Variants in PLEKHA7 observed in about 807,000 individuals in gnomAD.
The protein encoded by PLEKHA7 is pleckstrin homology domain containing A7, also known as pleckstrin homology domain-containing family A member 7.
PLEKHA7 carries 104 observed loss-of-function variants against 170.0 expected under a neutral mutation model. That is an observed-to-expected ratio of 0.61 (90% CI 0.52 to 0.72). The LOEUF (loss-of-function observed/expected upper bound fraction) is 0.72. PLEKHA7 is among the 30% of genes least tolerant of loss of function. The pLI is 0.00. For synonymous variants in PLEKHA7, 648 were observed against 660.8 expected, an observed-to-expected ratio of 0.98 and a Z score of 0.30; for missense variants, 1,615 against 1,671.7, an observed-to-expected ratio of 0.97 and a Z score of 0.59.
rs1001223193 is a variant in PLEKHA7 at position 16,973,494 on chromosome 11, T to G, written c.221+40495A>C. On this transcript the variant is annotated intron_variant, in intron 3 of 26. Coordinates refer to ENST00000531066, the MANE Select transcript of PLEKHA7 (RefSeq NM_001329630.2). The stretch of plus-strand genomic sequence containing the variant: ...AAAGAGAAGTTTCTCTTGGTGCCCC[T>G]TTTAAAAGCCATGCACTGTGCTGAA... Among the ~76,000 whole-genome samples, 21 of 152,208 alleles carry G rather than the reference T, an allele frequency of 1.4e-4. 1 individual carries two copies. Among genetic ancestry groups the G allele is most frequent in the Non-Finnish European group, 1.5e-4 (10 of 68,036 alleles).
chr11:16,821,982 G>T (rs560036829), intron 10 of PLEKHA7, among the ~76,000 whole-genome samples: 2 of 150,498 alleles, frequency 1.3e-5, no homozygotes, highest in South Asian at 4.2e-4. Flanking sequence ...CTTCCCCTTA[G>T]ATAAGAATGG....
At chr11:16,987,991 G>A (rs1022934752) in intron 3 of PLEKHA7, among the ~76,000 whole-genome samples, 2 of 152,218 alleles carry the variant, frequency 1.3e-5, no homozygotes, top group South Asian at 2.1e-4. Flanking sequence ...GACAGTGTGT[G>A]GAAGGCCAGG....
intron 3 of PLEKHA7, among the ~76,000 whole-genome samples, chr11:16,887,717 G>A (rs945178675): frequency 1.3e-5 from 2 of 152,236 alleles, no homozygotes; most frequent in Non-Finnish European, 2.9e-5. Flanking sequence ...CCAGGCTGGA[G>A]TGCAGTGGCA....
At chr11:16,801,503 A>T (rs976762966) in intron 16 of PLEKHA7, among the ~76,000 whole-genome samples, 165 bp downstream of exon 16, 4 of 152,186 alleles carry the variant, frequency 2.6e-5, no homozygotes, top group Non-Finnish European at 5.9e-5. Context: ...TGTCACCCCC[A>T]GACAAGGTTA....
At chr11:16,996,277 G>A (rs1225316995) in intron 3 of PLEKHA7, among the ~76,000 whole-genome samples, 1 of 152,180 alleles carries the variant, frequency 6.6e-6, no homozygotes, top group African/African-American at 2.4e-5. Flanking sequence ...GCTCACCCAT[G>A]ACCCCATAGC....
At chr11:16,902,846 G>A (rs920914687) in intron 3 of PLEKHA7, among the ~76,000 whole-genome samples, 5 of 152,198 alleles carry the variant, frequency 3.3e-5, no homozygotes, top group South Asian at 2.1e-4. Flanking sequence ...TTAGCAGACA[G>A]CTGGGCACAC....
chr11:16,907,361 C>G (rs1857871670), intron 3 of PLEKHA7, among the ~76,000 whole-genome samples: 1 of 136,072 alleles, frequency 7.3e-6, no homozygotes, highest in South Asian at 2.4e-4. Context: ...TCTGCCCGGC[C>G]AGCCGCCCCA....
At chr11:16,994,693 G>A (rs954584646) in intron 3 of PLEKHA7, among the ~76,000 whole-genome samples, 2 of 152,082 alleles carry the variant, frequency 1.3e-5, no homozygotes, top group Admixed American at 6.5e-5. Context: ...TTCTGCCTGT[G>A]CTATCCCTCT....
intron 3 of PLEKHA7, among the ~76,000 whole-genome samples, chr11:16,960,116 T>C (rs1861958508): frequency 1.3e-5 from 2 of 152,206 alleles, no homozygotes; most frequent in African/African-American, 4.8e-5. Context: ...CGCCCTGCTC[T>C]GCTCCGGCTT....
chr11:16,945,160 T>A (rs984215598), intron 3 of PLEKHA7, among the ~76,000 whole-genome samples: 1 of 152,100 alleles, frequency 6.6e-6, no homozygotes, highest in Non-Finnish European at 1.5e-5. Flanking sequence ...GGCCTCAAAC[T>A]CCTGACCTTA....
rs1564929807 is a variant in PLEKHA7 at position 16,802,968 on chromosome 11, G to A, written c.2157+4C>T. On this transcript the variant is annotated splice_donor_region_variant and intron_variant, in intron 15 of 26. Coordinates refer to ENST00000531066, the MANE Select transcript of PLEKHA7 (RefSeq NM_001329630.2). ...TTCCAAGATTATTCAAAACTGACAC[G>A]TACTTTGTTCTCTTTAAGGGCTCGT... 13 of 1,610,112 alleles carry A rather than the reference G, an allele frequency of 8.1e-6. No homozygotes were observed. Among genetic ancestry groups the A allele is most frequent in the Admixed American group, 3.3e-5 (2 of 60,012 alleles).
intron 3 of PLEKHA7, among the ~76,000 whole-genome samples, chr11:16,903,306 C>T (rs1464214470): frequency 6.6e-6 from 1 of 152,084 alleles, no homozygotes; most frequent in Non-Finnish European, 1.5e-5. Flanking sequence ...CTGAAGTGAA[C>T]CAAATGGAAT....
In PLEKHA7 at chr11:16,796,946, G is replaced by C. The variant is rs187067460; in HGVS notation, c.2410-1928C>G. On this transcript the variant is annotated intron_variant, in intron 17 of 26. Transcript: ENST00000531066. The stretch of plus-strand genomic sequence containing the variant: ...GCCTCCCAAAGTGCTGGGATTATAG[G>C]CGTGAGCCACCATGACCAGCCGAAA... Among the ~76,000 whole-genome samples, 472 of 152,252 alleles carry C rather than the reference G, an allele frequency of 3.1e-3. 1 individual carries two copies. Among genetic ancestry groups the C allele is most frequent in the African/African-American group, 0.011 (456 of 41,548 alleles).
intron 4 of PLEKHA7, among the ~76,000 whole-genome samples, chr11:16,867,850 C>T (rs382734): frequency 0.33 from 50,286 of 152,064 alleles, 8,643 homozygotes; most frequent in Non-Finnish European, 0.38. Context: ...CTTATCTTCC[C>T]TTATCTAAAT....
chr11:16,806,075 T>G (rs1252255338), intron 13 of PLEKHA7, among the ~76,000 whole-genome samples: 1 of 152,180 alleles, frequency 6.6e-6, no homozygotes, highest in Non-Finnish European at 1.5e-5. Flanking sequence ...ATGCCTTTCC[T>G]CTGTATCCTC....
intron 3 of PLEKHA7, 44 bp downstream of exon 3, chr11:17,013,945 C>G: frequency 6.9e-7 from 1 of 1,452,840 alleles, no homozygotes; most frequent in Non-Finnish European, 9.1e-7. Flanking sequence ...GAGGGACCCC[C>G]CCCCCGCGGC....
chr11:16,789,191 C>A lies in PLEKHA7; in HGVS notation c.3262G>T (p.Val1088Phe), dbSNP rs369056078. Residue 1088 changes from valine to phenylalanine, a missense_variant, in exon 23 of 27, where the codon GTC becomes TTC. Val to Phe is a conservative substitution (Grantham distance 50). Transcript: ENST00000531066. The surrounding 1 kb of genome is among the most constrained non-coding windows in gnomAD (Gnocchi z 4.6). ...ERMKRHQKALVRERKRTLGQG... is the reference protein window; with the variant it reads ...ERMKRHQKALFRERKRTLGQG... ...CCCAGTGTCCTCTTGCGCTCTCGGA[C>A]CAGGGCCTTCTGGTGTCGCTTCATG... 18 of 1,613,274 alleles carry A rather than the reference C, an allele frequency of 1.1e-5. No homozygotes were observed. The highest frequency in any genetic ancestry group is 1.4e-5 in the Non-Finnish European group (17 of 1,180,036).
intron 13 of PLEKHA7, among the ~76,000 whole-genome samples, chr11:16,812,866 A>T (rs903923082): frequency 6.6e-6 from 1 of 152,216 alleles, no homozygotes; most frequent in Non-Finnish European, 1.5e-5. Context: ...GAAGGAAGAG[A>T]TCAAGGTCTC....
At chr11:16,869,738 G>A (rs968204660) in intron 4 of PLEKHA7, among the ~76,000 whole-genome samples, 1 of 152,124 alleles carries the variant, frequency 6.6e-6, no homozygotes, top group African/African-American at 2.4e-5. Context: ...TGAGTATATT[G>A]AATTTATTAC....
Sources: gnomAD v4.1 joint callset for allele counts (sites outside exome capture counted in the v4.1 genomes callset) on GRCh38, gnomAD v4.1.1 for gene constraint, Gnocchi (gnomAD v3.1) non-coding constraint, MANE v1.5 for transcripts, NCBI Gene and HGNC (gene_info 2026-07-23, HGNC 2026-07-21) for gene names.